Variants in CYP2C8 observed in about 807,000 individuals in gnomAD.
CYP2C8 encodes the protein cytochrome P450 2C8.
A neutral mutation model predicts 41.3 loss-of-function variants in CYP2C8; 51 were observed. The ratio of observed to expected loss-of-function variants is 1.24; its 90% CI spans 0.99 to 1.56. The LOEUF (loss-of-function observed/expected upper bound fraction) is 1.56, where lower values mean the gene tolerates loss of function less well. Ranked by LOEUF, CYP2C8 falls within the 40% of genes most tolerant of loss-of-function variation. The probability of loss-of-function intolerance (pLI) is 0.00; values close to 1 mark genes in which losing one functional copy is unlikely to be tolerated. For missense variants in CYP2C8, 651 were observed against 579.9 expected, an observed-to-expected ratio of 1.12 and a Z score of -1.26; for synonymous variants, 218 against 205.8, an observed-to-expected ratio of 1.06 and a Z score of -0.51.
At chr10:95,058,765 G>A (rs1023364176) in intron 4 of CYP2C8, among the ~76,000 whole-genome samples, 12 of 151,994 alleles carry the variant, frequency 7.9e-5, no homozygotes, top group Admixed American at 5.2e-4. Context: ...TATACATTAG[G>A]TATATCTCCC....
At chr10:95,052,490 TA>T (rs34368926) in intron 5 of CYP2C8, among the ~76,000 whole-genome samples, 30 of 148,510 alleles carry the variant, frequency 2.0e-4, no homozygotes, top group East Asian at 9.9e-4. Context: ...AAAGACACAT[TA>T]AAAAAAAAAG....
chr10:95,037,436 G>A, intron 8 of CYP2C8, 127 bp from the exon 9 acceptor site: 3 of 784,992 alleles, frequency 3.8e-6, no homozygotes, highest in Non-Finnish European at 6.4e-6. Flanking sequence ...GTAGATGAAT[G>A]AACATGTGGA....
At chr10:95,047,883 G>T (rs1231799424) in intron 5 of CYP2C8, among the ~76,000 whole-genome samples, 1 of 152,128 alleles carries the variant, frequency 6.6e-6, no homozygotes, top group Non-Finnish European at 1.5e-5. Context: ...CAGATCCAAG[G>T]AAAAGGAAAG....
At chr10:95,059,227 T>C (rs1447208767) in intron 4 of CYP2C8, among the ~76,000 whole-genome samples, 2 of 152,236 alleles carry the variant, frequency 1.3e-5, no homozygotes, top group East Asian at 1.9e-4. Context: ...ACACTGTCTT[T>C]CATAATGGTT....
intron 5 of CYP2C8, among the ~76,000 whole-genome samples, chr10:95,050,577 A>G (rs1274970260): frequency 6.6e-6 from 1 of 152,262 alleles, no homozygotes; most frequent in East Asian, 1.9e-4. Flanking sequence ...ACAGAGAGAG[A>G]GACTTTGTTT....
intron 7 of CYP2C8, among the ~76,000 whole-genome samples, chr10:95,041,213 A>C (rs927026671): frequency 3.9e-5 from 6 of 152,348 alleles, no homozygotes; most frequent in South Asian, 4.1e-4. Context: ...AATCTGATAA[A>C]GGATATCTAC....
In CYP2C8 at chr10:95,043,036, T is replaced by C. The variant is rs752449186; in HGVS notation, c.1003A>G (p.Arg335Gly). The change falls in exon 7 of 9, where the codon AGG (arginine) becomes GGG (glycine). Residue 335 changes from arginine to glycine, a missense_variant. Transcript: ENST00000371270. Reference sequence around the variant, plus strand: ...CTCCTATCCTGCATGCAGGGGCTCCTGTGTCTGCCAATTACATGATCAATC... The same window carrying C: ...CTCCTATCCTGCATGCAGGGGCTCCCGTGTCTGCCAATTACATGATCAATC... ...EEIDHVIGRH[R>G]SPCMQDRSHM... 1.9e-6 allele frequency: 3 copies of C among 1,614,084 alleles called. No homozygotes were observed. Among genetic ancestry groups the C allele is most frequent in the Non-Finnish European group, 2.5e-6 (3 of 1,180,038 alleles).
chr10:95,063,264 T>C (rs1246031011), intron 4 of CYP2C8, among the ~76,000 whole-genome samples: 1 of 152,264 alleles, frequency 6.6e-6, no homozygotes, highest in Non-Finnish European at 1.5e-5. Context: ...TCCCCGTCAC[T>C]TTCAGATACA....
intron 5 of CYP2C8, among the ~76,000 whole-genome samples, chr10:95,048,201 A>G (rs969142201): frequency 6.6e-6 from 1 of 152,182 alleles, no homozygotes; most frequent in Non-Finnish European, 1.5e-5. Flanking sequence ...TTAACAGTCC[A>G]TTTGGCTTAT....
At chr10:95,038,577 A>C (rs1207411235) in intron 8 of CYP2C8, among the ~76,000 whole-genome samples, 1 of 152,310 alleles carries the variant, frequency 6.6e-6, no homozygotes, top group South Asian at 2.1e-4. Context: ...CAAGGCAGGT[A>C]AGGAAAGATC....
intron 5 of CYP2C8, among the ~76,000 whole-genome samples, chr10:95,055,948 C>A (rs1333696677): frequency 6.6e-6 from 1 of 151,938 alleles, no homozygotes; most frequent in Non-Finnish European, 1.5e-5. Context: ...CAAAAATTAG[C>A]TGGGTGTGGG....
chr10:95,064,470 C>G (rs1398029105), intron 4 of CYP2C8, among the ~76,000 whole-genome samples: 2 of 152,174 alleles, frequency 1.3e-5, no homozygotes, highest in Non-Finnish European at 2.9e-5. Flanking sequence ...TTACTAAGAC[C>G]ACTAGAAAAG....
intron 3 of CYP2C8, among the ~76,000 whole-genome samples, chr10:95,066,151 A>AGTGTGT (rs1156290511): frequency 7.6e-4 from 63 of 82,778 alleles, no homozygotes; most frequent in African/African-American, 2.5e-3. Context: ...AGAGAGAGAG[A>AGTGTGT]GAGTGTGTGT....
rs117678007 is a variant in CYP2C8 at position 95,047,898 on chromosome 10, C to T, written c.820-1947G>A. ...CAGATCCAAGGAAAAGGAAAGGGAC[C>T]TTGTGTGAACAAGGTAATATCCTCG... is the stretch of plus-strand genomic sequence containing the variant. On this transcript the variant is annotated intron_variant, in intron 5 of 8. Transcript: ENST00000371270. Among the ~76,000 whole-genome samples, 38 of 152,214 alleles carry T rather than the reference C, an allele frequency of 2.5e-4. 1 individual carries two copies. The East Asian group carries it at 6.9e-3, about 28-fold the overall frequency.
At chr10:95,061,138 G>C (rs959166695) in intron 4 of CYP2C8, among the ~76,000 whole-genome samples, 2 of 152,168 alleles carry the variant, frequency 1.3e-5, no homozygotes, top group African/African-American at 4.8e-5. Flanking sequence ...TTTGTTATCA[G>C]GATGATGCTG....
intron 1 of CYP2C8, among the ~76,000 whole-genome samples, chr10:95,068,876 C>T (rs11572067): frequency 0.028 from 4,323 of 152,070 alleles, 83 homozygotes; most frequent in South Asian, 0.045. Flanking sequence ...CTGGCTAACA[C>T]GGTGAAACCC....
chr10:95,058,362 G>C lies in CYP2C8; in HGVS notation c.792C>G (p.Ile264Met), dbSNP rs1058930. The C allele has an allele frequency of 0.045, 73,082 of 1,613,150 alleles. 1,876 individuals are homozygous for C. Among genetic ancestry groups the C allele is most frequent in the Non-Finnish European group, 0.053 (62,006 of 1,179,434 alleles). ...GCTCCATTTTGATCAGGAAGCAATC[G>C]ATAAAGTCCCGAGGATTGTTAACAT... ...SLDVNNPRDF[I>M]DCFLIKMEQE... The change falls in exon 5 of 9, where the codon ATC becomes ATG. Residue 264 changes from isoleucine to methionine, a missense_variant. Coordinates refer to ENST00000371270, the MANE Select transcript of CYP2C8 (RefSeq NM_000770.3).
intron 4 of CYP2C8, among the ~76,000 whole-genome samples, chr10:95,061,319 G>T (rs1564740472): frequency 1.3e-5 from 2 of 152,066 alleles, no homozygotes; most frequent in African/African-American, 2.4e-5. Flanking sequence ...CAATTTCAGA[G>T]CCTGTTATTG....
chr10:95,069,449 A>C lies in CYP2C8; in HGVS notation c.-47T>G, dbSNP rs1449155097. 2.0e-6 allele frequency: 3 copies of C among 1,495,082 alleles called. No individual in the cohort carries two copies. In the Admixed American group the frequency reaches 5.1e-5, roughly 25 times the overall value. The allele number at this position is 1,495,082 out of a possible 1,614,324, so 92.6% of individuals were successfully genotyped here. A position where few individuals can be genotyped will look rare whatever the true frequency, so the allele number is the denominator to read the frequency against. On this transcript the variant is annotated 5_prime_UTR_variant, in exon 1 of 9. Transcript: ENST00000371270. ...AGACAGCTGTGAGCTTGCACTCCAA[A>C]GTTTTTATAACACTCCCTGCTAATT...
Sources: gnomAD v4.1 joint callset for allele counts (sites outside exome capture counted in the v4.1 genomes callset) on GRCh38, gnomAD v4.1.1 for gene constraint, MANE v1.5 for transcripts, NCBI Gene and HGNC (gene_info 2026-07-23, HGNC 2026-07-21) for gene names.